DNMBP: variants seen among roughly 807,000 people sequenced by gnomAD.
DNMBP encodes dynamin-binding protein.
A neutral mutation model predicts 150.0 loss-of-function variants in DNMBP; 87 were observed. That is an observed-to-expected ratio of 0.58 (90% confidence interval 0.49 to 0.69). The LOEUF (loss-of-function observed/expected upper bound fraction) is 0.69. DNMBP is among the 30% of genes least tolerant of loss of function. The pLI, the probability that DNMBP is intolerant of heterozygous loss-of-function variation, is 0.00. For synonymous variants in DNMBP, 711 were observed against 750.4 expected (o/e 0.95, Z 0.86); for missense variants, 1,774 against 1,949.0 (o/e 0.91, Z 1.69).
At chr10:99,930,586 G>T (rs765029150) in intron 4 of DNMBP, 42 of 702,748 alleles carry the variant, frequency 6.0e-5, no homozygotes, top group Non-Finnish European at 9.6e-5. Context: ...TTTCTGTAGG[G>T]CTGATGCTGT....
chr10:99,930,899 C>CT (rs1201581785), intron 4 of DNMBP: 1 of 558,178 alleles, frequency 1.8e-6, no homozygotes, highest in Non-Finnish European at 3.1e-6. Context: ...ACACTCTTCT[C>CT]GTTGCTCTAG....
At position 99,956,535 on chromosome 10, in the gene DNMBP, C is replaced by CT; in HGVS notation, c.938dup (p.Glu314GlyfsTer27). On this transcript the variant is annotated frameshift_variant, in exon 4 of 17. Coordinates refer to ENST00000324109, the MANE Select transcript of DNMBP (RefSeq NM_015221.4). LOFTEE classifies it high-confidence loss of function. ...CCGGGATCCTGGCAAGGCTGCCTTC[C>CT]TGGGGCAGAGCCATGGTTTCCTCCA... The CT allele has an allele frequency of 6.2e-7, 1 of 1,614,134 alleles. No individual in the cohort carries two copies. Among genetic ancestry groups the CT allele is most frequent in the Non-Finnish European group, 8.5e-7 (1 of 1,180,014 alleles).
rs774596635 is a variant in DNMBP at position 99,884,224 on chromosome 10, G to A, written c.3799-15C>T. ...ATGTAACTTGGCTGAAAGGTAAGACGTTAACAAAAATCTCTCAGTGGCCAC... is the reference window on the plus strand; with the variant it reads ...ATGTAACTTGGCTGAAAGGTAAGACATTAACAAAAATCTCTCAGTGGCCAC... On this transcript the variant is annotated splice_polypyrimidine_tract_variant and intron_variant, in intron 14 of 16. Transcript: ENST00000324109. The A allele has an allele frequency of 9.4e-6, 15 of 1,603,766 alleles. No individual in the cohort carries two copies. In the South Asian group the frequency reaches 1.2e-4, roughly 13 times the overall value.
chr10:99,991,056 T>G (rs1170139775), intron 1 of DNMBP, among the ~76,000 whole-genome samples: 1 of 152,024 alleles, frequency 6.6e-6, no homozygotes, highest in East Asian at 1.9e-4. Context: ...ACTATCAATT[T>G]TAGAACTTCA....
intron 1 of DNMBP, among the ~76,000 whole-genome samples, chr10:99,996,177 C>G (rs1210999564): frequency 6.6e-6 from 1 of 152,138 alleles, no homozygotes; most frequent in Non-Finnish European, 1.5e-5. Context: ...TTCACCAAGC[C>G]TGAATCCCAC....
intron 1 of DNMBP, among the ~76,000 whole-genome samples, chr10:100,006,399 G>A (rs1478275921): frequency 6.6e-6 from 1 of 152,086 alleles, no homozygotes; most frequent in Non-Finnish European, 1.5e-5. Context: ...GCTAGAGAGG[G>A]CCCAGTTATT....
In DNMBP at chr10:99,899,074, T is replaced by A. The variant is rs184667047; in HGVS notation, c.2703-314A>T. Among the ~76,000 whole-genome samples the A allele has an allele frequency of 1.7e-3, 262 of 152,096 alleles. 1 individual carries two copies. Among genetic ancestry groups the A allele is most frequent in the African/African-American group, 6.2e-3 (256 of 41,488 alleles). ...TAGGCATGGTGGCACGTGCCTGTAA[T>A]CCCAGCTACTGGGGGGCTGAGGCAG... On this transcript the variant is annotated intron_variant, in intron 7 of 16. Coordinates refer to ENST00000324109, the MANE Select transcript of DNMBP (RefSeq NM_015221.4).
intron 11 of DNMBP, among the ~76,000 whole-genome samples, chr10:99,891,363 C>T (rs1401439259): frequency 3.3e-5 from 5 of 151,486 alleles, no homozygotes; most frequent in South Asian, 2.1e-4. Context: ...TTGGTGGAGA[C>T]GGGGTTTCGC....
intron 1 of DNMBP, among the ~76,000 whole-genome samples, chr10:100,004,254 A>T (rs990237505): frequency 1.3e-5 from 2 of 150,558 alleles, no homozygotes; most frequent in South Asian, 4.2e-4. Context: ...CAAAAGAAAA[A>T]ATATATATAT....
Position 99,942,286 on chromosome 10 carries a change from T to TA in DNMBP, c.2260+12927dup, listed in dbSNP as rs199962382. 6.7e-3 allele frequency among the ~76,000 whole-genome samples: 1,014 copies of TA among 152,356 alleles called. 11 individuals carry two copies. The highest frequency in any genetic ancestry group is 0.023 in the African/African-American group (970 of 41,576). The stretch of plus-strand genomic sequence containing the variant: ...TGACAAAAAGGCAAAAAAATATACT[T>TA]AGAGTTTTACTTACTTATTGCTTGT... On this transcript the variant is annotated intron_variant, in intron 4 of 16. Coordinates refer to ENST00000324109, the MANE Select transcript of DNMBP (RefSeq NM_015221.4).
At chr10:99,903,383 G>A (rs557742426) in intron 6 of DNMBP, among the ~76,000 whole-genome samples, 23 of 151,500 alleles carry the variant, frequency 1.5e-4, no homozygotes, top group African/African-American at 5.1e-4. Flanking sequence ...ACCCAGATTG[G>A]AGTGCACTGT....
chr10:99,973,182 T>C (rs1331439056), intron 1 of DNMBP, among the ~76,000 whole-genome samples: 5 of 152,160 alleles, frequency 3.3e-5, no homozygotes, highest in African/African-American at 1.2e-4. Context: ...CCTCCTGCTT[T>C]GGCCTCCCAA....
intron 3 of DNMBP, among the ~76,000 whole-genome samples, chr10:99,962,929 C>T (rs532005618): frequency 1.7e-4 from 26 of 152,142 alleles, no homozygotes; most frequent in African/African-American, 6.0e-4. Context: ...TTTTGATAAG[C>T]TTTATTACCT....
intron 11 of DNMBP, among the ~76,000 whole-genome samples, chr10:99,891,716 C>CTGGGAAG (rs1190096575): frequency 1.4e-5 from 2 of 145,254 alleles, no homozygotes; most frequent in Non-Finnish European, 1.5e-5. Flanking sequence ...GCCATCCCAC[C>CTGGGAAG]TGGGAAGTGA....
chr10:99,971,609 C>T (rs2040677621), intron 2 of DNMBP, among the ~76,000 whole-genome samples: 4 of 152,108 alleles, frequency 2.6e-5, no homozygotes, highest in African/African-American at 9.7e-5. Flanking sequence ...GCAATCTTCA[C>T]CTCCTGGGTT....
At chr10:99,898,343 G>T in intron 8 of DNMBP, 58 bp from the exon 9 acceptor site, 1 of 1,456,144 alleles carries the variant, frequency 6.9e-7, no homozygotes. Flanking sequence ...GCCCAGCCTG[G>T]GAACATCGTG....
chr10:99,917,319 T>C (rs950066676), intron 4 of DNMBP, among the ~76,000 whole-genome samples: 1 of 152,208 alleles, frequency 6.6e-6, no homozygotes, highest in Non-Finnish European at 1.5e-5. Flanking sequence ...GTTGTGCCAA[T>C]GTACTCCAGC....
chr10:99,988,026 G>A (rs114974397), intron 1 of DNMBP, among the ~76,000 whole-genome samples: 2 of 152,070 alleles, frequency 1.3e-5, no homozygotes, highest in African/African-American at 4.8e-5. Context: ...AGGCAGGCGG[G>A]GGAAATAGTT....
At chr10:99,941,762 C>T (rs1232327021) in intron 4 of DNMBP, among the ~76,000 whole-genome samples, 1 of 152,218 alleles carries the variant, frequency 6.6e-6, no homozygotes, top group African/African-American at 2.4e-5. Flanking sequence ...GCCACCACGC[C>T]TGGCCTCTTC....
Sources: gnomAD v4.1 joint callset for allele counts (sites outside exome capture counted in the v4.1 genomes callset) on GRCh38, gnomAD v4.1.1 for gene constraint, MANE v1.5 for transcripts, NCBI Gene and HGNC (gene_info 2026-07-23, HGNC 2026-07-21) for gene names.